Variants in GALK2 observed in about 807,000 individuals in gnomAD.
GALK2 encodes the protein galactokinase 2, also known as N-acetylgalactosamine kinase.
In GALK2, 36 loss-of-function variants were observed where a neutral mutation model predicts 52.4. The observed-to-expected ratio is 0.69, with a 90% CI of 0.53 to 0.91. GALK2 has a LOEUF of 0.91. GALK2 is among the 40% of genes least tolerant of loss of function. GALK2 has a pLI of 0.00. For missense variants in GALK2, 579 were observed against 559.1 expected (o/e 1.04, Z -0.36); for synonymous variants, 176 against 199.1 (o/e 0.88, Z 0.98).
chr15:49,302,043 A>T (rs1169492237), intron 8 of GALK2, among the ~76,000 whole-genome samples: 1 of 152,220 alleles, frequency 6.6e-6, no homozygotes, highest in African/African-American at 2.4e-5. Context: ...TGCATTTCAC[A>T]GATGAAGAAA....
chr15:49,190,016 T>A (rs2086615966), intron 1 of GALK2, among the ~76,000 whole-genome samples: 1 of 152,202 alleles, frequency 6.6e-6, no homozygotes, highest in Non-Finnish European at 1.5e-5. Flanking sequence ...TTTAATCTTT[T>A]TTATTGTGGA....
intron 5 of GALK2, among the ~76,000 whole-genome samples, chr15:49,255,629 A>G (rs1490400585): frequency 6.6e-6 from 1 of 151,690 alleles, no homozygotes; most frequent in East Asian, 1.9e-4. Context: ...AATTGTACTT[A>G]ACATTATTTA....
chr15:49,261,091 C>G (rs371468072), intron 5 of GALK2, among the ~76,000 whole-genome samples: 27,708 of 150,098 alleles, frequency 0.18, 2,697 homozygotes, highest in Non-Finnish European at 0.21. Context: ...TAGTTTTTTC[C>G]AATTCTGTGA....
chr15:49,322,406 CT>C (rs1340227238), intron 9 of GALK2, among the ~76,000 whole-genome samples: 1 of 152,158 alleles, frequency 6.6e-6, no homozygotes, highest in East Asian at 1.9e-4. Flanking sequence ...GAATAGTTGT[CT>C]GGTCCTTAAA....
chr15:49,235,440 A>G (rs187044330), intron 3 of GALK2, among the ~76,000 whole-genome samples: 11 of 152,188 alleles, frequency 7.2e-5, no homozygotes, highest in African/African-American at 2.6e-4. Flanking sequence ...TAAATTGTGC[A>G]GATGGTAAAA....
intron 5 of GALK2, among the ~76,000 whole-genome samples, chr15:49,272,935 G>A (rs576812228): frequency 9.2e-5 from 14 of 152,252 alleles, no homozygotes; most frequent in Middle Eastern, 3.4e-3. Flanking sequence ...TCTTTCTCTT[G>A]TCGACAAGTC....
At position 49,247,077 on chromosome 15, in the gene GALK2, G is replaced by A. The variant is rs187819211; in HGVS notation, c.504+7710G>A. ...TAGGGAGTTAGGAGAAGTTCTCTCCGAGAAGAGGACATTTGAACAGAGACC... is the reference window on the plus strand; with the variant it reads ...TAGGGAGTTAGGAGAAGTTCTCTCCAAGAAGAGGACATTTGAACAGAGACC... On this transcript the variant is annotated intron_variant, in intron 5 of 9. Coordinates refer to ENST00000560031, the MANE Select transcript of GALK2 (RefSeq NM_002044.4). Among the ~76,000 whole-genome samples the A allele has an allele frequency of 1.1e-3, 174 of 152,250 alleles. 2 individuals are homozygous for A. In the East Asian group the frequency reaches 0.029, roughly 25 times the overall value.
chr15:49,185,055 G>A (rs2086248890), intron 1 of GALK2, among the ~76,000 whole-genome samples: 1 of 151,998 alleles, frequency 6.6e-6, no homozygotes, highest in African/African-American at 2.4e-5. Flanking sequence ...GTGATGCTGG[G>A]GTTTGGGGCC....
At chr15:49,228,459 C>T (rs1010786121) in intron 3 of GALK2, among the ~76,000 whole-genome samples, 1 of 150,546 alleles carries the variant, frequency 6.6e-6, no homozygotes, top group East Asian at 1.9e-4. Context: ...TTCAAAAGAG[C>T]TATCTTTAGG....
upstream of GALK2, among the ~76,000 whole-genome samples, chr15:49,166,188 GTAAT>G (rs1262217723): frequency 2.0e-5 from 3 of 152,150 alleles, no homozygotes; most frequent in African/African-American, 7.2e-5. Flanking sequence ...CAGAAAACAA[GTAAT>G]TAGAGTACTG....
intron 1 of GALK2, among the ~76,000 whole-genome samples, chr15:49,172,912 G>A (rs1233740835): frequency 3.9e-5 from 6 of 152,050 alleles, no homozygotes; most frequent in Non-Finnish European, 7.4e-5. Flanking sequence ...TGACATTCAC[G>A]TATCATATAA....
In GALK2 at chr15:49,252,381, A is replaced by T. The variant is rs561924181; in HGVS notation, c.504+13014A>T. ...ATGTCAGCACATCTACATATACTGA[A>T]TTCTCTTTAATGGCTGCCTTGTTTT... On this transcript the variant is annotated intron_variant, in intron 5 of 9. Coordinates refer to ENST00000560031, the MANE Select transcript of GALK2 (RefSeq NM_002044.4). Among the ~76,000 whole-genome samples, 13 of 152,272 alleles carry T rather than the reference A, an allele frequency of 8.5e-5. No homozygotes were observed. The East Asian group carries it at 2.5e-3, about 29-fold the overall frequency.
At chr15:49,235,814 A>C in intron 3 of GALK2, 37 bp from the exon 4 acceptor site, 1 of 1,434,116 alleles carries the variant, frequency 7.0e-7, no homozygotes, top group Non-Finnish European at 9.8e-7. Flanking sequence ...CTCAAGGCCT[A>C]CAGATTTTAA....
intron 4 of GALK2, among the ~76,000 whole-genome samples, 154 bp downstream of exon 4, chr15:49,236,095 A>AT (rs1211275054): frequency 6.6e-6 from 1 of 152,192 alleles, no homozygotes; most frequent in Non-Finnish European, 1.5e-5. Flanking sequence ...AGTGGGGAAG[A>AT]TATGACTGTT....
At chr15:49,211,166 G>C (rs1351669073) in intron 2 of GALK2, among the ~76,000 whole-genome samples, 1 of 152,128 alleles carries the variant, frequency 6.6e-6, no homozygotes, top group African/African-American at 2.4e-5. Flanking sequence ...ATGCTTTGCT[G>C]CTTAGAAATT....
At chr15:49,355,231 C>A (rs977472738) in intron 3 of GALK2, among the ~76,000 whole-genome samples, 1 of 152,226 alleles carries the variant, frequency 6.6e-6, no homozygotes, top group Non-Finnish European at 1.5e-5. Context: ...AGGAACAAAG[C>A]TGGATGGAGA....
intron 1 of GALK2, among the ~76,000 whole-genome samples, chr15:49,174,726 T>C (rs114421256): frequency 0.017 from 2,613 of 152,024 alleles, 97 homozygotes; most frequent in African/African-American, 0.06. Flanking sequence ...CCATTTATTC[T>C]ATATATATTA....
intron 1 of GALK2, among the ~76,000 whole-genome samples, chr15:49,162,176 C>A (rs965148753): frequency 6.6e-6 from 1 of 152,164 alleles, no homozygotes; most frequent in Non-Finnish European, 1.5e-5. Context: ...AACTGCTGAT[C>A]TACTTTTTGT....
chr15:49,240,990 T>C (rs2091065399), intron 5 of GALK2, among the ~76,000 whole-genome samples: 1 of 152,100 alleles, frequency 6.6e-6, no homozygotes, highest in Non-Finnish European at 1.5e-5. Context: ...TTAGATAGAT[T>C]CAAGATCTCA....
Sources: allele counts gnomAD v4.1 joint callset (sites outside exome capture counted in the v4.1 genomes callset), GRCh38; gene constraint gnomAD v4.1.1; transcripts MANE v1.5; gene names NCBI Gene and HGNC (gene_info 2026-07-23, HGNC 2026-07-21).